Variants in BMP1 observed in about 807,000 individuals in gnomAD.
The protein encoded by BMP1 is mammalian tolloid protein.
In BMP1, 63 loss-of-function variants were observed where a neutral mutation model predicts 116.8. The observed-to-expected ratio is 0.54, with a 90% CI of 0.44 to 0.67. The LOEUF (loss-of-function observed/expected upper bound fraction) is 0.67, where lower values mean the gene tolerates loss of function less well. Among genes scored for constraint, BMP1 ranks in the 30% least tolerant of loss-of-function variants. BMP1 has a pLI of 0.00. For synonymous variants in BMP1, 536 were observed against 533.4 expected, an observed-to-expected ratio of 1.00 and a Z score of -0.07; for missense variants, 1,183 against 1,358.9, an observed-to-expected ratio of 0.87 and a Z score of 2.04.
chr8:22,165,886 T>TGC (rs1258234429), intron 1 of BMP1, among the ~76,000 whole-genome samples: 5 of 106,758 alleles, frequency 4.7e-5, no homozygotes, highest in Non-Finnish European at 1.1e-4. Flanking sequence ...TGCGTGCGTG[T>TGC]GTGTGTGTGT....
chr8:22,196,690 C>A lies in BMP1; in HGVS notation c.1776C>A (p.Gly592=). The change falls in exon 14 of 20, where the codon GGC becomes GGA. Residue 592 remains glycine, a synonymous_variant. Coordinates refer to ENST00000306385, the MANE Select transcript of BMP1 (RefSeq NM_006129.5). ...TCCTTGTCCCCGCAGCTGCTTGTGG[C>A]GGATTCCTCACCAAGCTCAACGGCT... ...PDKRRCEAAC[G]GFLTKLNGSI... 6.2e-7 allele frequency: 1 copy of A among 1,614,038 alleles called. No individual in the cohort carries two copies. The highest frequency in any genetic ancestry group is 1.7e-5 in the Admixed American group (1 of 60,024).
chr8:22,207,089 G>A, intron 17 of BMP1, 108 bp downstream of exon 17: 1 of 1,526,614 alleles, frequency 6.6e-7, no homozygotes, highest in East Asian at 2.4e-5. Flanking sequence ...GCCATCCCCA[G>A]GAGACCCCAA....
chr8:22,180,523 C>T lies in BMP1; in HGVS notation c.1077+40C>T, dbSNP rs140177900. On this transcript the variant is annotated intron_variant, in intron 8 of 19. Transcript: ENST00000306385. ...AGCCTCTGAGCCTCCCCCTCCCCTG[C>T]GGGTCCCCATACCTCAGGGACTTCT... 2,501 of 1,564,994 alleles carry T rather than the reference C, an allele frequency of 1.6e-3. 3 individuals carry two copies. The highest frequency in any genetic ancestry group is 2.0e-3 in the Non-Finnish European group (2,280 of 1,138,888).
chr8:22,174,702 G>A (rs536533779), intron 2 of BMP1, among the ~76,000 whole-genome samples: 20 of 141,976 alleles, frequency 1.4e-4, no homozygotes, highest in African/African-American at 5.0e-4. Flanking sequence ...GCACCATTTC[G>A]GCTCACTGCA....
chr8:22,165,523 C>T lies in BMP1; in HGVS notation c.118C>T (p.Pro40Ser), dbSNP rs941049889. Reference protein sequence around the residue: ...YDLAEEDDSEPLNYKDPCKAA... With the variant: ...YDLAEEDDSESLNYKDPCKAA... Reference sequence around the variant, plus strand: ...CCTGGCGGAGGAGGACGACTCGGAGCCCCTCAACTACAAAGACCCCTGCAA... The same window carrying T: ...CCTGGCGGAGGAGGACGACTCGGAGTCCCTCAACTACAAAGACCCCTGCAA... Residue 40 changes from proline (P) to serine (S), a missense_variant, in exon 1 of 20, where the codon CCC (proline) becomes TCC (serine). By Grantham distance (74) the Pro-to-Ser change is moderately conservative. Coordinates refer to ENST00000306385, the MANE Select transcript of BMP1 (RefSeq NM_006129.5). The T allele has an allele frequency of 1.4e-5, 22 of 1,591,480 alleles. No individual in the cohort carries two copies. The highest frequency in any genetic ancestry group is 1.8e-5 in the Non-Finnish European group (21 of 1,171,216).
Position 22,201,808 on chromosome 8 carries a change from G to T in BMP1, c.2113G>T (p.Asp705Tyr). 1 of 1,613,678 alleles carries T rather than the reference G, an allele frequency of 6.2e-7. No individual in the cohort carries two copies. Among genetic ancestry groups the T allele is most frequent in the Non-Finnish European group, 8.5e-7 (1 of 1,179,990 alleles). ...GFKAHFFSDKDECSKDNGGCQ... is the reference protein window; with the variant it reads ...GFKAHFFSDKYECSKDNGGCQ... ...CCTTATTTGCTCCCCTGCAGACAAGGACGAGTGCTCCAAGGATAACGGCGG... is the reference window on the plus strand; with the variant it reads ...CCTTATTTGCTCCCCTGCAGACAAGTACGAGTGCTCCAAGGATAACGGCGG... Residue 705 changes from aspartate to tyrosine, a missense_variant, in exon 16 of 20, where the codon GAC becomes TAC. By Grantham distance (160) the Asp-to-Tyr change is radical. Coordinates refer to ENST00000306385, the MANE Select transcript of BMP1 (RefSeq NM_006129.5).
chr8:22,195,258 G>A (rs1423774555), intron 12 of BMP1, among the ~76,000 whole-genome samples: 1 of 152,222 alleles, frequency 6.6e-6, no homozygotes, highest in Non-Finnish European at 1.5e-5. Flanking sequence ...GAGGATTGAA[G>A]GAGAAATGAA....
chr8:22,211,848 G>A lies in BMP1; in HGVS notation c.*120G>A. On this transcript the variant is annotated 3_prime_UTR_variant, in exon 20 of 20. Transcript: ENST00000306385. ...TCCCCCAGGCCCCAGGACCTGCAGG[G>A]CCAATGGCCTGGTGAGACTGTCCAT... is the stretch of plus-strand genomic sequence containing the variant. The A allele has an allele frequency of 6.8e-7, 1 of 1,479,172 alleles. No homozygotes were observed. The allele number at this position is 1,479,172 out of a possible 1,614,324, so 91.6% of individuals were successfully genotyped here.
Position 22,179,987 on chromosome 8 carries a change from G to A in BMP1, c.961+158G>A, listed in dbSNP as rs1207167061. Among the ~76,000 whole-genome samples the A allele has an allele frequency of 6.6e-6, 1 of 152,108 alleles. No individual in the cohort carries two copies. Among genetic ancestry groups the A allele is most frequent in the African/African-American group, 2.4e-5 (1 of 41,404 alleles). On this transcript the variant is annotated intron_variant, in intron 7 of 19. Coordinates refer to ENST00000306385, the MANE Select transcript of BMP1 (RefSeq NM_006129.5). The surrounding 1 kb of genome is among the most constrained non-coding windows in gnomAD (Gnocchi z 4.6). ...ATAGGAGGGGCAGTGTCCAAGTGAA[G>A]GAGGCCGCTGGGGGTAGGCTCAGGT...
At chr8:22,195,011 C>A in intron 12 of BMP1, 92 bp downstream of exon 12, 2 of 1,348,464 alleles carry the variant, frequency 1.5e-6, no homozygotes, top group Non-Finnish European at 2.0e-6. Flanking sequence ...CTCCAGGAGG[C>A]ATATTGATAC....
At chr8:22,191,211 A>G (rs1828922148) in intron 8 of BMP1, among the ~76,000 whole-genome samples, 3 of 152,118 alleles carry the variant, frequency 2.0e-5, no homozygotes, top group Admixed American at 2.0e-4. Context: ...TCTTCTCCCC[A>G]TTGCACGCAG....
Position 22,176,976 on chromosome 8 carries a change from G to A in BMP1, c.567G>A (p.Val189=). ...CGCCCTCCAGGTGCTGCTCCTACGT[G>A]GGTCGCCGCGGCGGGGGCCCCCAGG... ...TYRPCGCCSY[V]GRRGGGPQAI... The change falls in exon 5 of 20, where the codon GTG becomes GTA. Residue 189 remains valine (V), a synonymous_variant. Coordinates refer to ENST00000306385, the MANE Select transcript of BMP1 (RefSeq NM_006129.5). 6.2e-7 allele frequency: 1 copy of A among 1,611,280 alleles called. No homozygotes were observed. Among genetic ancestry groups the A allele is most frequent in the Non-Finnish European group, 8.5e-7 (1 of 1,178,976 alleles).
chr8:22,198,145 A>G (rs1829145583), intron 15 of BMP1, among the ~76,000 whole-genome samples: 1 of 152,186 alleles, frequency 6.6e-6, no homozygotes. Context: ...TGATCTCGTC[A>G]CTCACTCCAG....
rs1829019116 is a variant in BMP1 at position 22,194,437 on chromosome 8, C to T, written c.1298-8C>T. ...CACCCCTTCCCACCCCATCCTGTGT[C>T]CCCACAGCCATCTGCGGGGGTGATG... is the stretch of plus-strand genomic sequence containing the variant. On this transcript the variant is annotated splice_polypyrimidine_tract_variant and splice_region_variant and intron_variant, in intron 10 of 19. Transcript: ENST00000306385. The surrounding 1 kb of genome is among the most constrained non-coding windows in gnomAD (Gnocchi z 4.5). 8 of 1,613,976 alleles carry T rather than the reference C, an allele frequency of 5.0e-6. No individual in the cohort carries two copies. The highest frequency in any genetic ancestry group is 6.8e-6 in the Non-Finnish European group (8 of 1,179,922).
chr8:22,209,210 T>C (rs1271761638), intron 18 of BMP1, among the ~76,000 whole-genome samples: 2 of 152,106 alleles, frequency 1.3e-5, no homozygotes, highest in Non-Finnish European at 2.9e-5. Context: ...CTCCATGCTG[T>C]CTTCCTCTCG....
chr8:22,194,164 A>G lies in BMP1; in HGVS notation c.1287A>G (p.Ala429=). The stretch of plus-strand genomic sequence containing the variant: ...ATTGGGTTGGAAAGGGCTTCTTTGC[A>G]GTCTACGAAGGTACTGAGGAAGGCG... ...SSNWVGKGFF[A]VYEAICGGDV... The change falls in exon 10 of 20, where the codon GCA becomes GCG. Residue 429 remains alanine (A), a synonymous_variant. Coordinates refer to ENST00000306385, the MANE Select transcript of BMP1 (RefSeq NM_006129.5). This position sits in a 1 kb window ranked among gnomAD's most constrained non-coding sequence, Gnocchi z 4.5. 3 of 1,614,086 alleles carry G rather than the reference A, an allele frequency of 1.9e-6. No individual in the cohort carries two copies. The highest frequency in any genetic ancestry group is 2.5e-6 in the Non-Finnish European group (3 of 1,179,942).
chr8:22,177,531 C>G (rs904704107), intron 5 of BMP1: 5 of 723,062 alleles, frequency 6.9e-6, no homozygotes, highest in Non-Finnish European at 1.3e-5. Flanking sequence ...CTCGATGTCT[C>G]TGTCCCTCCC....
chr8:22,180,309 C>T lies in BMP1; in HGVS notation c.962-59C>T, dbSNP rs1397234600. On this transcript the variant is annotated intron_variant, in intron 7 of 19. Coordinates refer to ENST00000306385, the MANE Select transcript of BMP1 (RefSeq NM_006129.5). ...ATGCCAAGGTTCAGGGGTGGGTGAG[C>T]CAGAAGATGGGGGGATTTGGCGCCT... 9.2e-6 allele frequency: 13 copies of T among 1,414,228 alleles called. No individual in the cohort carries two copies. The East Asian group carries it at 2.5e-4, about 27-fold the overall frequency. The allele number at this position is 1,414,228 out of a possible 1,614,324, so 87.6% of individuals were successfully genotyped here. A position where few individuals can be genotyped will look rare whatever the true frequency, so the allele number is the denominator to read the frequency against.
chr8:22,195,732 C>T, intron 13 of BMP1, 145 bp downstream of exon 13: 2 of 1,199,322 alleles, frequency 1.7e-6, no homozygotes, highest in Non-Finnish European at 1.1e-6. Context: ...CCATAGCCTC[C>T]CATTCCTGGG....
Sources: allele counts gnomAD v4.1 joint callset (sites outside exome capture counted in the v4.1 genomes callset), GRCh38; gene constraint gnomAD v4.1.1; non-coding constraint Gnocchi (gnomAD v3.1); transcripts MANE v1.5; gene names NCBI Gene and HGNC (gene_info 2026-07-23, HGNC 2026-07-21).